ACTR3C: variants seen among roughly 807,000 people sequenced by gnomAD.
ACTR3C encodes actin related protein 3C, also known as actin-related protein 3C.
In ACTR3C, 18 loss-of-function variants were observed where a neutral mutation model predicts 26.3. That is an observed-to-expected ratio of 0.68 (90% CI 0.47 to 1.01). The LOEUF (loss-of-function observed/expected upper bound fraction) is 1.01, where lower values mean the gene tolerates loss of function less well. ACTR3C is among the 50% of genes least tolerant of loss of function. ACTR3C has a pLI of 0.00. For synonymous variants in ACTR3C, 55 were observed against 94.5 expected, an observed-to-expected ratio of 0.58 and a Z score of 2.42; for missense variants, 184 against 250.7, an observed-to-expected ratio of 0.73 and a Z score of 1.80.
At chr7:150,068,875 A>G in the ACTR3C span, among the ~76,000 whole-genome samples, 9 of 152,050 alleles carry the variant, frequency 5.9e-5, no homozygotes, top group Non-Finnish European at 1.0e-4. Context: ...AAATTTGATA[A>G]TTTACTTTGT....
the ACTR3C span, among the ~76,000 whole-genome samples, chr7:150,139,275 C>G: frequency 6.6e-6 from 1 of 152,344 alleles, no homozygotes; most frequent in African/African-American, 2.4e-5. Flanking sequence ...AGAGCGTGCT[C>G]TCCATAAACC....
At chr7:150,127,667 C>G in the ACTR3C span, among the ~76,000 whole-genome samples, 2 of 149,644 alleles carry the variant, frequency 1.3e-5, no homozygotes, top group Non-Finnish European at 2.9e-5. Flanking sequence ...TTTTATTGTA[C>G]TGTTTTTTTT....
At chr7:149,969,961 C>A in the ACTR3C span, among the ~76,000 whole-genome samples, 3 of 152,004 alleles carry the variant, frequency 2.0e-5, no homozygotes, top group East Asian at 5.8e-4. Context: ...GTGGGAAGAG[C>A]AAAAGAGACT....
At chr7:150,177,642 A>G in the ACTR3C span, among the ~76,000 whole-genome samples, 1 of 150,858 alleles carries the variant, frequency 6.6e-6, no homozygotes, top group East Asian at 1.9e-4. Context: ...AAAGCTTCTC[A>G]CTTATTATTC....
chr7:150,065,852 G>A, the ACTR3C span, among the ~76,000 whole-genome samples: 3 of 150,436 alleles, frequency 2.0e-5, no homozygotes, highest in Non-Finnish European at 3.0e-5. Context: ...TCTGTTGGTT[G>A]ATCCTTTATG....
the ACTR3C span, among the ~76,000 whole-genome samples, chr7:150,080,512 AGTGTTTGTGTGTGTATGTGTGT>A: frequency 7.8e-6 from 1 of 127,856 alleles, no homozygotes; most frequent in African/African-American, 3.4e-5. Flanking sequence ...CTGCTGTATG[AGTGTTTGTGTGTGTATGTGTGT>A]GTGTGTGTGT....
chr7:150,289,265 A>G (rs1433479133), intron 4 of ACTR3C, among the ~76,000 whole-genome samples, 185 bp downstream of exon 4: 1 of 151,870 alleles, frequency 6.6e-6, no homozygotes, highest in Non-Finnish European at 1.5e-5. Flanking sequence ...ACCTCAGAGC[A>G]TCTAGTTTGG....
chr7:150,084,628 C>T, the ACTR3C span, among the ~76,000 whole-genome samples: 22 of 152,018 alleles, frequency 1.4e-4, no homozygotes, highest in South Asian at 6.2e-4. Flanking sequence ...GAATAGAACG[C>T]GGGCTGATAT....
chr7:150,106,793 T>C, the ACTR3C span, among the ~76,000 whole-genome samples: 74 of 143,982 alleles, frequency 5.1e-4, 2 homozygotes, highest in African/African-American at 2.0e-3. Flanking sequence ...TTAGCCAAGA[T>C]TGGCCAGAAT....
the ACTR3C span, among the ~76,000 whole-genome samples, chr7:149,893,582 A>AG: frequency 6.6e-6 from 1 of 152,246 alleles, no homozygotes; most frequent in Non-Finnish European, 1.5e-5. Context: ...TCTAAGACAC[A>AG]GACAGGATTT....
the ACTR3C span, among the ~76,000 whole-genome samples, chr7:149,948,086 C>T: frequency 7.0e-6 from 1 of 143,238 alleles, no homozygotes. Context: ...ACAGGGCATT[C>T]TCAGCAGGCG....
the ACTR3C span, among the ~76,000 whole-genome samples, chr7:150,037,981 C>G: frequency 7.4e-6 from 1 of 135,780 alleles, no homozygotes; most frequent in African/African-American, 2.8e-5. Context: ...GGGGGAGGTT[C>G]GCAGTCCCCG....
the ACTR3C span, among the ~76,000 whole-genome samples, chr7:150,024,397 G>A: frequency 3.3e-5 from 5 of 151,808 alleles, no homozygotes; most frequent in African/African-American, 7.3e-5. Context: ...CTGCGTGAGC[G>A]TGTGGGTCCC....
At chr7:150,264,320 G>A (rs1833868536) in intron 6 of ACTR3C, among the ~76,000 whole-genome samples, 1 of 152,224 alleles carries the variant, frequency 6.6e-6, no homozygotes, top group African/African-American at 2.4e-5. Context: ...CACCATCAGC[G>A]TGGCCACAGA....
chr7:150,308,430 A>T (rs10254009), intron 1 of ACTR3C, among the ~76,000 whole-genome samples: 2 of 152,244 alleles, frequency 1.3e-5, no homozygotes, highest in East Asian at 3.9e-4. Flanking sequence ...TCTCCATCCC[A>T]CAAGACCTAG....
At chr7:150,158,848 A>ATGCC in the ACTR3C span, among the ~76,000 whole-genome samples, 1 of 148,120 alleles carries the variant, frequency 6.8e-6, no homozygotes, top group Non-Finnish European at 1.5e-5. Context: ...ACACACAGGC[A>ATGCC]CACACACAGG....
At position 150,273,290 on chromosome 7, in the gene ACTR3C, T is replaced by A. The variant is rs1437251415; in HGVS notation, c.564+11463A>T. Among the ~76,000 whole-genome samples the A allele has an allele frequency of 1.4e-5, 2 of 138,298 alleles. 1 individual carries two copies. Among genetic ancestry groups the A allele is most frequent in the East Asian group, 4.2e-4 (2 of 4,814 alleles). 90.7% of individuals were successfully genotyped at this position (138,298 alleles called of 152,430 possible). On this transcript the variant is annotated intron_variant, in intron 6 of 7. Transcript: ENST00000683684. ...TATAGAGCACAGACCAACCTTTTTT[T>A]TTTTTGAAATAGGGTGTCCCTTTGT...
the ACTR3C span, among the ~76,000 whole-genome samples, chr7:149,889,049 C>A: frequency 1.3e-5 from 2 of 151,168 alleles, no homozygotes; most frequent in Non-Finnish European, 3.0e-5. Flanking sequence ...TAAAAAAAAA[C>A]CATTGTTAAA....
the ACTR3C span, among the ~76,000 whole-genome samples, chr7:150,007,084 C>T: frequency 6.6e-6 from 1 of 152,066 alleles, no homozygotes; most frequent in African/African-American, 2.4e-5. Context: ...AGAGCAGAAA[C>T]CCCCTCCCCA....
Sources: gnomAD v4.1 joint callset for allele counts (sites outside exome capture counted in the v4.1 genomes callset) on GRCh38, gnomAD v4.1.1 for gene constraint, MANE v1.5 for transcripts, NCBI Gene and HGNC (gene_info 2026-07-23, HGNC 2026-07-21) for gene names.